The following SORCS3 variants were observed in gnomAD, a reference collection of about 807,000 sequenced individuals.
The protein encoded by SORCS3 is VPS10 domain-containing receptor SorCS3.
A neutral mutation model predicts 146.3 loss-of-function variants in SORCS3; 57 were observed. The observed-to-expected ratio is 0.39, with a 90% CI of 0.31 to 0.49. The LOEUF (loss-of-function observed/expected upper bound fraction) is 0.49, where lower values mean the gene tolerates loss of function less well. Ranked by LOEUF, SORCS3 falls within the 20% of genes least tolerant of loss-of-function variation. The pLI, the probability that SORCS3 is intolerant of heterozygous loss-of-function variation, is 0.92. For missense variants in SORCS3, 1,341 were observed against 1,575.5 expected (o/e 0.85, Z 2.52); for synonymous variants, 653 against 618.5 (o/e 1.06, Z -0.83).
rs1186082602 is a variant in SORCS3, at chr10:104,940,238, A to ATTTTT, written c.795+24319_795+24323dup. ...TATATATATATATATATATATATAT[A>ATTTTT]TTTTTTTTTTTTTTTTTATTATACT... On this transcript the variant is annotated intron_variant, in intron 3 of 26. Transcript: ENST00000369701. 7.9e-4 allele frequency among the ~76,000 whole-genome samples: 25 copies of ATTTTT among 31,488 alleles called. 1 individual carries two copies. The highest frequency in any genetic ancestry group is 4.0e-3 in the South Asian group (2 of 502). The allele number at this position is 31,488 out of a possible 152,430, so 20.7% of individuals were successfully genotyped here.
At chr10:104,930,083 GA>G in intron 3 of SORCS3, among the ~76,000 whole-genome samples, 1 of 151,940 alleles carries the variant, frequency 6.6e-6, no homozygotes, top group Non-Finnish European at 1.5e-5. Flanking sequence ...ATGAAATGAA[GA>G]AAACGATAAA....
intron 7 of SORCS3, among the ~76,000 whole-genome samples, chr10:105,133,851 G>A (rs1589649264): frequency 6.6e-6 from 1 of 152,188 alleles, no homozygotes; most frequent in South Asian, 2.1e-4. Flanking sequence ...CCAGCTACTT[G>A]GGAGGCTGAG....
At chr10:105,076,804 T>C (rs976107134) in intron 5 of SORCS3, among the ~76,000 whole-genome samples, 2 of 152,200 alleles carry the variant, frequency 1.3e-5, no homozygotes, top group Non-Finnish European at 2.9e-5. Flanking sequence ...CAGTAGGTAT[T>C]TGCCAAGCGA....
intron 2 of SORCS3, among the ~76,000 whole-genome samples, chr10:104,870,119 T>C (rs2018503627): frequency 6.6e-6 from 1 of 152,268 alleles, no homozygotes; most frequent in Non-Finnish European, 1.5e-5. Flanking sequence ...ATGCATATTA[T>C]AAATGTCAAC....
At chr10:104,733,317 A>G (rs1023406473) in intron 1 of SORCS3, among the ~76,000 whole-genome samples, 17 of 152,016 alleles carry the variant, frequency 1.1e-4, no homozygotes, top group Admixed American at 3.3e-4. Context: ...TGATTTCTTC[A>G]TTTGTGCATT....
intron 2 of SORCS3, among the ~76,000 whole-genome samples, chr10:104,861,441 A>G (rs895263976): frequency 6.6e-6 from 1 of 152,186 alleles, no homozygotes; most frequent in African/African-American, 2.4e-5. Flanking sequence ...TGGAACAGTG[A>G]TGACTCCCTT....
chr10:105,262,521 T>A (rs1278876015), intron 26 of SORCS3, 30 bp downstream of exon 26: 3 of 1,601,238 alleles, frequency 1.9e-6, no homozygotes, highest in Admixed American at 1.7e-5. Context: ...TAAGCTCCCC[T>A]GTTCTGTGTC....
chr10:104,988,405 T>C (rs1247190655), intron 4 of SORCS3, among the ~76,000 whole-genome samples: 1 of 152,102 alleles, frequency 6.6e-6, no homozygotes, highest in African/African-American at 2.4e-5. Flanking sequence ...GTTTCTGGAG[T>C]GGGACTTTGA....
At chr10:105,159,800 C>T (rs1290070760) in intron 11 of SORCS3, among the ~76,000 whole-genome samples, 2 of 152,218 alleles carry the variant, frequency 1.3e-5, no homozygotes, top group African/African-American at 4.8e-5. Flanking sequence ...AGTTCCTACT[C>T]TCTAGGCATG....
intron 1 of SORCS3, among the ~76,000 whole-genome samples, chr10:104,696,086 C>CATATA (rs76657077): frequency 5.7e-5 from 1 of 17,492 alleles, no homozygotes; most frequent in African/African-American, 1.8e-4. Context: ...ATCATATACA[C>CATATA]ATATATAATA....
chr10:105,089,875 A>G, intron 6 of SORCS3, 36 bp downstream of exon 6: 1 of 1,561,100 alleles, frequency 6.4e-7, no homozygotes, highest in Non-Finnish European at 8.8e-7. Flanking sequence ...GCCCAGGGAG[A>G]TCTGCCTGCA....
intron 4 of SORCS3, among the ~76,000 whole-genome samples, chr10:105,009,092 T>C (rs1036179404): frequency 1.2e-4 from 19 of 152,228 alleles, no homozygotes; most frequent in Non-Finnish European, 2.5e-4. Flanking sequence ...ATGTGCTAAG[T>C]GCTTCCATGT....
At chr10:105,142,067 C>T (rs897550195) in intron 8 of SORCS3, among the ~76,000 whole-genome samples, 2 of 152,116 alleles carry the variant, frequency 1.3e-5, no homozygotes, top group Non-Finnish European at 2.9e-5. Context: ...GGATCACATT[C>T]CAGACTGGCC....
At chr10:105,175,002 C>T (rs1186170888) in intron 13 of SORCS3, among the ~76,000 whole-genome samples, 1 of 152,142 alleles carries the variant, frequency 6.6e-6, no homozygotes, top group Non-Finnish European at 1.5e-5. Context: ...CCCTGCAATG[C>T]TCATGGCACT....
chr10:105,225,635 A>G (rs778448130), intron 20 of SORCS3, among the ~76,000 whole-genome samples: 1 of 151,970 alleles, frequency 6.6e-6, no homozygotes, highest in Non-Finnish European at 1.5e-5. Flanking sequence ...TAGGATTTTG[A>G]TGGGCATTGG....
At chr10:105,110,690 A>G (rs1163708023) in intron 7 of SORCS3, among the ~76,000 whole-genome samples, 1 of 152,040 alleles carries the variant, frequency 6.6e-6, no homozygotes, top group Non-Finnish European at 1.5e-5. Flanking sequence ...TCCCACGTAT[A>G]TTGTGTTTCA....
chr10:104,766,330 G>A (rs554189308), intron 1 of SORCS3, among the ~76,000 whole-genome samples: 97 of 152,320 alleles, frequency 6.4e-4, no homozygotes, highest in African/African-American at 2.3e-3. Flanking sequence ...TGTCTCTTTG[G>A]CCAATACTGA....
chr10:104,915,942 T>C lies in SORCS3; in HGVS notation c.795+10T>C. On this transcript the variant is annotated intron_variant, in intron 3 of 26. Transcript: ENST00000369701. Reference sequence around the variant, plus strand: ...AACCAACAAAAGGAAGGTAAGAGACTGGGTCAGTAGGTCCTGAGCACTCCT... The same window carrying C: ...AACCAACAAAAGGAAGGTAAGAGACCGGGTCAGTAGGTCCTGAGCACTCCT... 6.2e-7 allele frequency: 1 copy of C among 1,607,666 alleles called. No homozygotes were observed. The highest frequency in any genetic ancestry group is 8.5e-7 in the Non-Finnish European group (1 of 1,174,084).
At position 105,263,175 on chromosome 10, in the gene SORCS3, AT is replaced by A. The variant is rs1417156675; in HGVS notation, c.3605-134del. 1.6e-5 allele frequency: 11 copies of A among 708,944 alleles called. No homozygotes were observed. The Admixed American group carries it at 2.9e-4, about 19-fold the overall frequency. 43.9% of individuals were successfully genotyped at this position (708,944 alleles called of 1,614,324 possible). The stretch of plus-strand genomic sequence containing the variant: ...AGTCAGTGAGCTGATAGGTAACGAT[AT>A]CCGGGTGCCTTTTAAATAAATTCCT... On this transcript the variant is annotated intron_variant, in intron 26 of 26. Transcript: ENST00000369701.
Sources: allele counts gnomAD v4.1 joint callset (sites outside exome capture counted in the v4.1 genomes callset), GRCh38; gene constraint gnomAD v4.1.1; transcripts MANE v1.5; gene names NCBI Gene and HGNC (gene_info 2026-07-23, HGNC 2026-07-21).